PIK3CB: variants seen among roughly 807,000 people sequenced by gnomAD.
PIK3CB encodes phosphatidylinositol-4,5-bisphosphate 3-kinase catalytic subunit beta, also known as phosphatidylinositol 4,5-bisphosphate 3-kinase catalytic subunit beta isoform.
A neutral mutation model predicts 136.8 loss-of-function variants in PIK3CB; 39 were observed. That is an observed-to-expected ratio of 0.29 (90% CI 0.22 to 0.37). The LOEUF is 0.37. Ranked by LOEUF, PIK3CB falls within the 10% of genes least tolerant of loss-of-function variation. The pLI, the probability that PIK3CB is intolerant of heterozygous loss-of-function variation, is 1.00. For missense variants in PIK3CB, 868 were observed against 1,275.4 expected, an observed-to-expected ratio of 0.68 and a Z score of 4.87; for synonymous variants, 428 against 436.6, an observed-to-expected ratio of 0.98 and a Z score of 0.25.
At chr3:138,685,026 C>T (rs1009063325) in intron 16 of PIK3CB, 4 of 430,418 alleles carry the variant, frequency 9.3e-6, no homozygotes, top group Non-Finnish European at 1.6e-5. Context: ...TTTCTTTAAA[C>T]CTTTTCTTAA....
At chr3:138,826,004 G>A (rs1933769538) in intron 1 of PIK3CB, 1 of 1,480,062 alleles carries the variant, frequency 6.8e-7, no homozygotes, top group African/African-American at 1.4e-5. Context: ...CCAAATCAGT[G>A]CTGGCTATGC....
At chr3:138,777,949 C>T in intron 2 of PIK3CB, 4 of 315,288 alleles carry the variant, frequency 1.3e-5, no homozygotes, top group South Asian at 1.2e-4. Context: ...CCCTCAACTA[C>T]ACGGTCTATA....
At chr3:138,798,078 C>G (rs982776712) in intron 1 of PIK3CB, among the ~76,000 whole-genome samples, 18 of 152,144 alleles carry the variant, frequency 1.2e-4, no homozygotes, top group African/African-American at 4.1e-4. Flanking sequence ...TGCAAAATAA[C>G]AGTTATAATA....
At chr3:138,681,431 G>A (rs1288889684) in intron 19 of PIK3CB, among the ~76,000 whole-genome samples, 2 of 151,952 alleles carry the variant, frequency 1.3e-5, no homozygotes, top group Non-Finnish European at 2.9e-5. Flanking sequence ...TTTACCCCTT[G>A]TTCTGTTCAT....
chr3:138,657,326 A>T (rs529659544), intron 22 of PIK3CB: 3 of 169,498 alleles, frequency 1.8e-5, no homozygotes, highest in East Asian at 1.7e-4. Context: ...ATCAGAGATT[A>T]AAAAATTTGC....
At chr3:138,680,622 C>T (rs2043752276) in intron 19 of PIK3CB, among the ~76,000 whole-genome samples, 1 of 151,214 alleles carries the variant, frequency 6.6e-6, no homozygotes, top group Non-Finnish European at 1.5e-5. Flanking sequence ...GTTTTTGTTG[C>T]TTCAATAGCA....
rs541067933 is a variant in PIK3CB, at chr3:138,814,710, A to G, written c.-121-18143T>C. Among the ~76,000 whole-genome samples, 8 of 152,226 alleles carry G rather than the reference A, an allele frequency of 5.3e-5. No individual in the cohort carries two copies. The South Asian group carries it at 1.2e-3, about 24-fold the overall frequency. On this transcript the variant is annotated intron_variant, in intron 1 of 23. Transcript: ENST00000674063. The stretch of plus-strand genomic sequence containing the variant: ...TTGATCTCAAATTTGGCCATAATAA[A>G]CTAGTCAAAACCGCCTAGGCATGGC...
chr3:138,831,646 G>T (rs563749866), intron 1 of PIK3CB, among the ~76,000 whole-genome samples: 1 of 151,554 alleles, frequency 6.6e-6, no homozygotes, highest in African/African-American at 2.4e-5. Flanking sequence ...ATTTATTGGG[G>T]CCAGGCACAG....
chr3:138,818,462 T>C (rs1215386150), intron 1 of PIK3CB, among the ~76,000 whole-genome samples: 1 of 152,220 alleles, frequency 6.6e-6, no homozygotes, highest in Non-Finnish European at 1.5e-5. Flanking sequence ...AACTATATGC[T>C]CTTTAATGTC....
At chr3:138,778,465 G>T in intron 2 of PIK3CB, 1 of 241,224 alleles carries the variant, frequency 4.1e-6, no homozygotes, top group South Asian at 4.6e-5. Context: ...CCAAAGCTGT[G>T]GGCAAAGTCA....
intron 19 of PIK3CB, among the ~76,000 whole-genome samples, chr3:138,680,661 T>C (rs1185747656): frequency 6.6e-6 from 1 of 151,928 alleles, no homozygotes; most frequent in Non-Finnish European, 1.5e-5. Flanking sequence ...TTTAAGAAAA[T>C]CTTTGTTAGG....
At position 138,724,318 on chromosome 3, in the gene PIK3CB, A is replaced by G. The variant is rs1299652561; in HGVS notation, c.1050+9043T>C. The stretch of plus-strand genomic sequence containing the variant: ...AATAGCCAAATGAAAAGGTATATAT[A>G]TGTTCTTCAAGGTCCAGAAGGGTTC... On this transcript the variant is annotated intron_variant, in intron 8 of 23. Coordinates refer to ENST00000674063, the MANE Select transcript of PIK3CB (RefSeq NM_006219.3). 2.6e-5 allele frequency among the ~76,000 whole-genome samples: 4 copies of G among 152,302 alleles called. No individual in the cohort carries two copies. The East Asian group carries it at 7.7e-4, about 29-fold the overall frequency.
intron 2 of PIK3CB, among the ~76,000 whole-genome samples, chr3:138,785,434 A>G (rs1276860715): frequency 6.6e-6 from 1 of 152,238 alleles, no homozygotes; most frequent in Non-Finnish European, 1.5e-5. Flanking sequence ...CTCTGTAGAA[A>G]GAAGTAGACA....
intron 4 of PIK3CB, among the ~76,000 whole-genome samples, chr3:138,750,199 G>A (rs112434703): frequency 0.031 from 4,755 of 152,220 alleles, 251 homozygotes; most frequent in African/African-American, 0.11. Flanking sequence ...TTTGACACAT[G>A]TATACATTGT....
chr3:138,791,867 A>G (rs1402205227), intron 2 of PIK3CB, among the ~76,000 whole-genome samples: 3 of 152,166 alleles, frequency 2.0e-5, no homozygotes, highest in African/African-American at 4.8e-5. Context: ...ATCAATGTCT[A>G]CTTTTCCCTA....
intron 2 of PIK3CB, among the ~76,000 whole-genome samples, chr3:138,794,008 G>C (rs2046082243): frequency 6.6e-6 from 1 of 152,142 alleles, no homozygotes; most frequent in South Asian, 2.1e-4. Flanking sequence ...TGTTGCCCAG[G>C]CTGGAATGCA....
chr3:138,821,549 C>T (rs1343208322), intron 1 of PIK3CB, among the ~76,000 whole-genome samples: 1 of 152,130 alleles, frequency 6.6e-6, no homozygotes, highest in Non-Finnish European at 1.5e-5. Flanking sequence ...CTCTGGGAGG[C>T]CGAGATGGGT....
At chr3:138,710,940 C>T (rs2044483840) in intron 10 of PIK3CB, among the ~76,000 whole-genome samples, 1 of 151,776 alleles carries the variant, frequency 6.6e-6, no homozygotes, top group South Asian at 2.1e-4. Flanking sequence ...AAAAATTAGC[C>T]AGGTGTGGTG....
intron 4 of PIK3CB, among the ~76,000 whole-genome samples, chr3:138,753,134 T>C (rs1185236147): frequency 1.3e-5 from 2 of 152,200 alleles, no homozygotes; most frequent in East Asian, 3.8e-4. Flanking sequence ...GGAGGATCAC[T>C]TGACCCTGGG....
Sources: gnomAD v4.1 joint callset for allele counts (sites outside exome capture counted in the v4.1 genomes callset) on GRCh38, gnomAD v4.1.1 for gene constraint, MANE v1.5 for transcripts, NCBI Gene and HGNC (gene_info 2026-07-23, HGNC 2026-07-21) for gene names.